Variants in TAMM41 observed in about 807,000 individuals in gnomAD.
TAMM41 encodes the protein phosphatidate cytidylyltransferase, mitochondrial.
TAMM41 carries 36 observed loss-of-function variants against 44.1 expected under a neutral mutation model. That is an observed-to-expected ratio of 0.82 (90% CI 0.63 to 1.08). The LOEUF (loss-of-function observed/expected upper bound fraction) is 1.08. Among genes scored for constraint, TAMM41 ranks in the 50% least tolerant of loss-of-function variants. The pLI is 0.00. For synonymous variants in TAMM41, 164 were observed against 153.1 expected (o/e 1.07, Z -0.53); for missense variants, 417 against 404.3 (o/e 1.03, Z -0.27).
the TAMM41 span, among the ~76,000 whole-genome samples, chr3:11,723,198 G>A: frequency 2.0e-5 from 3 of 151,228 alleles, no homozygotes; most frequent in African/African-American, 7.3e-5. Flanking sequence ...GGGGGTGGGG[G>A]CAGGCATGGG....
the TAMM41 span, among the ~76,000 whole-genome samples, chr3:11,778,454 C>A: frequency 1.3e-5 from 2 of 152,170 alleles, no homozygotes; most frequent in Admixed American, 1.3e-4. Flanking sequence ...AACTCCTGGG[C>A]TCAAGCAATG....
chr3:11,758,957 C>T, the TAMM41 span, among the ~76,000 whole-genome samples: 1 of 152,192 alleles, frequency 6.6e-6, no homozygotes, highest in Non-Finnish European at 1.5e-5. Flanking sequence ...TAGGCGTGAG[C>T]CACCTTGCCC....
chr3:11,731,977 A>G, the TAMM41 span, among the ~76,000 whole-genome samples: 3 of 151,166 alleles, frequency 2.0e-5, no homozygotes, highest in Admixed American at 6.6e-5. Context: ...AGCAATTCTC[A>G]TGCCTCAGCC....
chr3:11,844,761 C>A, intron 1 of TAMM41: 4 of 342,846 alleles, frequency 1.2e-5, no homozygotes, highest in South Asian at 2.2e-5. Flanking sequence ...ATTCACCAAC[C>A]ACTTATTGAG....
At chr3:11,791,622 G>T (rs1200127126) in intron 7 of TAMM41, among the ~76,000 whole-genome samples, 2 of 152,116 alleles carry the variant, frequency 1.3e-5, no homozygotes, top group African/African-American at 4.8e-5. Flanking sequence ...TGCCGACAAG[G>T]TAACAGGTTT....
intron 1 of TAMM41, chr3:11,844,923 A>G (rs1413062533): frequency 8.8e-6 from 4 of 456,636 alleles, no homozygotes; most frequent in South Asian, 1.5e-5. Context: ...TCAGGGGCAC[A>G]GGAGGGAGAA....
At chr3:11,772,271 C>CG in the TAMM41 span, among the ~76,000 whole-genome samples, 9 of 145,776 alleles carry the variant, frequency 6.2e-5, no homozygotes, top group Non-Finnish European at 1.0e-4. Flanking sequence ...TTAGTAGAGA[C>CG]GGGCTTTCAC....
intron 7 of TAMM41, among the ~76,000 whole-genome samples, chr3:11,806,531 G>A (rs899292960): frequency 1.3e-5 from 2 of 152,014 alleles, no homozygotes; most frequent in Non-Finnish European, 2.9e-5. Context: ...TGAGAAATTC[G>A]AGAAAATCTT....
the TAMM41 span, among the ~76,000 whole-genome samples, chr3:11,782,654 C>T: frequency 6.6e-5 from 10 of 152,214 alleles, no homozygotes; most frequent in East Asian, 9.6e-4. Flanking sequence ...AATCATAGGC[C>T]TTCCATAAAC....
the TAMM41 span, among the ~76,000 whole-genome samples, chr3:11,725,425 TTCCTCCTCCTCC>T: frequency 1.3e-4 from 9 of 68,106 alleles, no homozygotes; most frequent in South Asian, 5.2e-4. Context: ...TTCTTCTTCT[TTCCTCCTCCTCC>T]TCCTCCTCCT....
At chr3:11,802,328 G>T (rs1185163473) in intron 7 of TAMM41, among the ~76,000 whole-genome samples, 1 of 152,010 alleles carries the variant, frequency 6.6e-6, no homozygotes, top group African/African-American at 2.4e-5. Context: ...TACAAGACAA[G>T]AAGAGATACA....
At chr3:11,753,977 C>T in the TAMM41 span, among the ~76,000 whole-genome samples, 1 of 152,082 alleles carries the variant, frequency 6.6e-6, no homozygotes, top group African/African-American at 2.4e-5. Flanking sequence ...AAGGGGCGGC[C>T]TCGTGTTCTC....
chr3:11,772,957 C>T, the TAMM41 span, among the ~76,000 whole-genome samples: 1 of 151,930 alleles, frequency 6.6e-6, no homozygotes, highest in Non-Finnish European at 1.5e-5. Context: ...TCAGGTCTTT[C>T]TTTCTCTCTC....
chr3:11,828,741 C>T (rs2078862868), intron 4 of TAMM41, among the ~76,000 whole-genome samples: 2 of 152,116 alleles, frequency 1.3e-5, no homozygotes, highest in African/African-American at 2.4e-5. Flanking sequence ...CAAATACAGC[C>T]GTAGTCATGG....
In TAMM41 at chr3:11,809,685, G is replaced by T. The variant is rs754936639; in HGVS notation, c.709-3C>A. ...TGTCCTTCTGGGCTTTTATCTATCTGAAGGGAGGAAAAAAAAGACGACGTC... is the reference window on the plus strand; with the variant it reads ...TGTCCTTCTGGGCTTTTATCTATCTTAAGGGAGGAAAAAAAAGACGACGTC... On this transcript the variant is annotated splice_polypyrimidine_tract_variant and splice_region_variant and intron_variant, in intron 5 of 7. Coordinates refer to ENST00000455809, the MANE Select transcript of TAMM41 (RefSeq NM_001284401.2). 9.4e-6 allele frequency: 15 copies of T among 1,594,106 alleles called. No individual in the cohort carries two copies. Among genetic ancestry groups the T allele is most frequent in the South Asian group, 6.9e-5 (6 of 86,760 alleles).
chr3:11,782,972 A>G, the TAMM41 span, among the ~76,000 whole-genome samples: 1 of 152,196 alleles, frequency 6.6e-6, no homozygotes, highest in Non-Finnish European at 1.5e-5. Flanking sequence ...ACTCACTGCA[A>G]TGGAGAGCCT....
chr3:11,727,275 C>G, the TAMM41 span, among the ~76,000 whole-genome samples: 2 of 152,290 alleles, frequency 1.3e-5, no homozygotes, highest in African/African-American at 4.8e-5. Context: ...CGGAGTCCAC[C>G]TGCTTATGCC....
the TAMM41 span, among the ~76,000 whole-genome samples, chr3:11,772,818 C>T: frequency 6.6e-6 from 1 of 152,174 alleles, no homozygotes; most frequent in Non-Finnish European, 1.5e-5. Context: ...GCTCTACATA[C>T]ATTGATGCTA....
chr3:11,815,305 T>G (rs2078237333), intron 5 of TAMM41, among the ~76,000 whole-genome samples: 1 of 152,104 alleles, frequency 6.6e-6, no homozygotes, highest in South Asian at 2.1e-4. Context: ...GGAGTGCGGC[T>G]GTGCAGTGAG....
Sources: allele counts gnomAD v4.1 joint callset (sites outside exome capture counted in the v4.1 genomes callset), GRCh38; gene constraint gnomAD v4.1.1; transcripts MANE v1.5; gene names NCBI Gene and HGNC (gene_info 2026-07-23, HGNC 2026-07-21).